Variants in RBM47 observed in about 807,000 individuals in gnomAD.
RBM47 encodes RNA binding motif protein 47.
A neutral mutation model predicts 47.1 loss-of-function variants in RBM47; 21 were observed. The ratio of observed to expected loss-of-function variants is 0.45; its 90% confidence interval spans 0.32 to 0.64. The LOEUF (loss-of-function observed/expected upper bound fraction) is 0.64, where lower values mean the gene tolerates loss of function less well. Among genes scored for constraint, RBM47 ranks in the 30% least tolerant of loss-of-function variants. The pLI is 0.05. For missense variants in RBM47, 708 were observed against 870.9 expected, an observed-to-expected ratio of 0.81 and a Z score of 2.35; for synonymous variants, 375 against 361.7, an observed-to-expected ratio of 1.04 and a Z score of -0.42.
intron 1 of RBM47, among the ~76,000 whole-genome samples, chr4:40,609,676 G>T (rs187058446): frequency 6.6e-6 from 1 of 151,852 alleles, no homozygotes; most frequent in African/African-American, 2.4e-5. Flanking sequence ...TATGCTTTGC[G>T]CATGAGACAA....
intron 2 of RBM47, chr4:40,515,951 C>A (rs1411208001): frequency 6.6e-6 from 1 of 152,216 alleles, no homozygotes; most frequent in Non-Finnish European, 1.5e-5. Flanking sequence ...GGGCAATTGA[C>A]CTCACTCCTC....
At chr4:40,521,188 TTTTTAA>T (rs1306696412) in intron 2 of RBM47, among the ~76,000 whole-genome samples, 3 of 152,164 alleles carry the variant, frequency 2.0e-5, no homozygotes, top group Admixed American at 2.0e-4. Context: ...TGTTTTAAAT[TTTTTAA>T]TTTTAATTTT....
At chr4:40,431,325 C>T (rs1440692078) in intron 6 of RBM47, among the ~76,000 whole-genome samples, 1 of 152,090 alleles carries the variant, frequency 6.6e-6, no homozygotes, top group South Asian at 2.1e-4. Context: ...CACTGGCAGC[C>T]ATAGGCCAAG....
chr4:40,483,334 G>C (rs1158027567), intron 2 of RBM47, among the ~76,000 whole-genome samples: 1 of 152,184 alleles, frequency 6.6e-6, no homozygotes, highest in Admixed American at 6.5e-5. Flanking sequence ...TCTAGACCCC[G>C]AAGATTGGAT....
At chr4:40,599,161 G>A (rs1159075512) in intron 1 of RBM47, among the ~76,000 whole-genome samples, 1 of 151,706 alleles carries the variant, frequency 6.6e-6, no homozygotes, top group Non-Finnish European at 1.5e-5. Flanking sequence ...AGGAGGTTGA[G>A]GCAAGAGAAT....
chr4:40,449,357 C>T (rs1032800546), intron 3 of RBM47, among the ~76,000 whole-genome samples: 1 of 152,210 alleles, frequency 6.6e-6, no homozygotes, highest in African/African-American at 2.4e-5. Flanking sequence ...GCCATGCCTT[C>T]TGCCCACCCC....
At chr4:40,471,040 G>A (rs762619533) in intron 2 of RBM47, among the ~76,000 whole-genome samples, 8 of 151,978 alleles carry the variant, frequency 5.3e-5, no homozygotes, top group South Asian at 2.1e-4. Context: ...ACCGCGTCTC[G>A]CCAGAACCTT....
chr4:40,517,680 C>A (rs1222269961), intron 2 of RBM47, among the ~76,000 whole-genome samples: 1 of 152,016 alleles, frequency 6.6e-6, no homozygotes. Flanking sequence ...TCTCATGTAC[C>A]CCATAAATAT....
intron 2 of RBM47, among the ~76,000 whole-genome samples, chr4:40,538,928 C>T (rs1728238308): frequency 6.6e-6 from 1 of 152,178 alleles, no homozygotes; most frequent in South Asian, 2.1e-4. Context: ...AGCCACTGTG[C>T]CCAGCCATGT....
intron 1 of RBM47, among the ~76,000 whole-genome samples, chr4:40,615,842 C>A (rs570167705): frequency 4.6e-5 from 7 of 152,270 alleles, no homozygotes; most frequent in African/African-American, 1.4e-4. Context: ...CTTTTGGAAA[C>A]TGAACCATCT....
intron 1 of RBM47, among the ~76,000 whole-genome samples, chr4:40,610,057 C>A (rs994431604): frequency 6.6e-6 from 1 of 152,056 alleles, no homozygotes. Flanking sequence ...CGCCACTGCA[C>A]TCCAGCCTGG....
At chr4:40,566,411 C>T (rs946923622) in intron 1 of RBM47, among the ~76,000 whole-genome samples, 2 of 152,134 alleles carry the variant, frequency 1.3e-5, no homozygotes, top group African/African-American at 4.8e-5. Flanking sequence ...CTTTGGGAGG[C>T]TGAGGTGGGT....
intron 2 of RBM47, among the ~76,000 whole-genome samples, chr4:40,537,589 G>A (rs955214173): frequency 1.6e-4 from 24 of 150,830 alleles, no homozygotes; most frequent in African/African-American, 5.9e-4. Context: ...CGATCTCACT[G>A]TGTTGCCCAG....
intron 2 of RBM47, among the ~76,000 whole-genome samples, chr4:40,535,528 C>A (rs955910906): frequency 2.0e-5 from 3 of 150,868 alleles, no homozygotes; most frequent in Admixed American, 6.6e-5. Context: ...CCCACCACCA[C>A]GTCTGGCTAA....
intron 1 of RBM47, among the ~76,000 whole-genome samples, chr4:40,571,794 C>T (rs929353591): frequency 5.3e-5 from 8 of 151,256 alleles, no homozygotes; most frequent in Non-Finnish European, 1.2e-4. Context: ...CTGAGGCAGG[C>T]GGTCACTTGA....
intron 1 of RBM47, among the ~76,000 whole-genome samples, chr4:40,620,264 T>C (rs1388913278): frequency 1.3e-5 from 2 of 148,974 alleles, no homozygotes; most frequent in African/African-American, 5.0e-5. Context: ...TCCCAGCACT[T>C]TGGGAGGTCA....
At chr4:40,575,947 C>T (rs1191898942) in intron 1 of RBM47, among the ~76,000 whole-genome samples, 1 of 152,168 alleles carries the variant, frequency 6.6e-6, no homozygotes, top group Non-Finnish European at 1.5e-5. Context: ...CAGAGGAAGC[C>T]CAGAAGAAAT....
chr4:40,464,339 T>C (rs1014849476), intron 3 of RBM47, among the ~76,000 whole-genome samples: 1 of 152,218 alleles, frequency 6.6e-6, no homozygotes, highest in Non-Finnish European at 1.5e-5. Context: ...CTATATATAC[T>C]GTTTTTTCCT....
At chr4:40,446,583 A>C (rs1359179958) in intron 3 of RBM47, among the ~76,000 whole-genome samples, 2 of 151,810 alleles carry the variant, frequency 1.3e-5, no homozygotes, top group African/African-American at 4.8e-5. Flanking sequence ...ACAAAAATTT[A>C]AAAAATTAGC....
Sources: allele counts gnomAD v4.1 joint callset (sites outside exome capture counted in the v4.1 genomes callset), GRCh38; gene constraint gnomAD v4.1.1; transcripts MANE v1.5; gene names NCBI Gene and HGNC (gene_info 2026-07-23, HGNC 2026-07-21).